The following DAPK1 variants were observed in gnomAD, a reference collection of about 807,000 sequenced individuals.
DAPK1 encodes death associated protein kinase 1, also known as death-associated protein kinase 1.
Under a neutral mutation model 144.9 loss-of-function variants are expected in DAPK1, and 56 were observed. That is an observed-to-expected ratio of 0.39 (90% CI 0.31 to 0.48). The LOEUF is 0.48. Ranked by LOEUF, DAPK1 falls within the 20% of genes least tolerant of loss-of-function variation. DAPK1 has a pLI of 0.95. For missense variants in DAPK1, 1,454 were observed against 1,875.4 expected, an observed-to-expected ratio of 0.78 and a Z score of 4.15; for synonymous variants, 690 against 749.0, an observed-to-expected ratio of 0.92 and a Z score of 1.29.
chr9:87,531,369 G>T (rs564781836), intron 2 of DAPK1, among the ~76,000 whole-genome samples: 104 of 152,270 alleles, frequency 6.8e-4, no homozygotes, highest in African/African-American at 2.4e-3. Context: ...TTTCCCTTGG[G>T]GCTTTCCTGT....
intron 2 of DAPK1, among the ~76,000 whole-genome samples, chr9:87,547,293 T>G (rs951873121): frequency 2.0e-5 from 3 of 152,230 alleles, no homozygotes; most frequent in African/African-American, 7.2e-5. Context: ...ACTCCACTGT[T>G]GTCTTCACAA....
Position 87,686,652 on chromosome 9 carries a change from G to A in DAPK1, c.2326G>A (p.Val776Met), listed in dbSNP as rs905513995. The A allele has an allele frequency of 6.2e-7, 1 of 1,612,236 alleles. No individual in the cohort carries two copies. The highest frequency in any genetic ancestry group is 8.5e-7 in the Non-Finnish European group (1 of 1,178,460). The change falls in exon 21 of 26, where the codon GTG becomes ATG. Residue 776 changes from valine (V) to methionine (M), a missense_variant. Physicochemically the swap from Val to Met is conservative, Grantham distance 21. Around this residue, in one of 2 missense-constraint regions of DAPK1, gnomAD observed 1,025 missense variants for 1,237.9 expected, o/e 0.83. Coordinates refer to ENST00000408954, the MANE Select transcript of DAPK1 (RefSeq NM_004938.4). The surrounding 1 kb of genome is among the most constrained non-coding windows in gnomAD (Gnocchi z 4.2). ...GGGTCTTACCAAAGGGATGCTGGAGGTGTTTGTGGCCCCGACCCACCACCC... is the reference window on the plus strand; with the variant it reads ...GGGTCTTACCAAAGGGATGCTGGAGATGTTTGTGGCCCCGACCCACCACCC... The part of the protein sequence containing the change: ...EPGLTKGMLE[V>M]FVAPTHHPHC...
intron 24 of DAPK1, among the ~76,000 whole-genome samples, chr9:87,701,537 T>C (rs1217605797): frequency 6.6e-6 from 1 of 152,218 alleles, no homozygotes; most frequent in African/African-American, 2.4e-5. Flanking sequence ...CTCAATGCTT[T>C]GGACAGATAA....
chr9:87,673,018 C>G (rs1025515107), intron 19 of DAPK1, among the ~76,000 whole-genome samples: 2 of 152,300 alleles, frequency 1.3e-5, no homozygotes, highest in Middle Eastern at 3.4e-3. Flanking sequence ...ATTTTCCTTT[C>G]CATGTCATTT....
At chr9:87,649,890 T>C (rs1371204349) in intron 15 of DAPK1, 31 bp from the exon 16 acceptor site, 3 of 1,608,940 alleles carry the variant, frequency 1.9e-6, no homozygotes, top group Admixed American at 3.3e-5. Context: ...TATTGTGTTC[T>C]CCTCCTCTCT....
intron 24 of DAPK1, chr9:87,701,982 C>T: frequency 4.8e-6 from 2 of 413,698 alleles, no homozygotes; most frequent in South Asian, 3.6e-5. Flanking sequence ...TCTCTGAGGG[C>T]CCCTGTGCTT....
intron 2 of DAPK1, among the ~76,000 whole-genome samples, chr9:87,564,776 C>T (rs749551719): frequency 6.6e-6 from 1 of 152,218 alleles, no homozygotes; most frequent in Non-Finnish European, 1.5e-5. Flanking sequence ...ATGATCTAAT[C>T]ACCTCTTAAC....
chr9:87,588,429 T>TA (rs1421504991), intron 2 of DAPK1, among the ~76,000 whole-genome samples: 1 of 152,234 alleles, frequency 6.6e-6, no homozygotes, highest in East Asian at 1.9e-4. Flanking sequence ...CATACCTTTT[T>TA]ATCTCTTTTG....
At chr9:87,683,807 C>A (rs1000633918) in intron 20 of DAPK1, among the ~76,000 whole-genome samples, 2 of 152,200 alleles carry the variant, frequency 1.3e-5, no homozygotes, top group Admixed American at 6.5e-5. Flanking sequence ...GGGGCAGAAG[C>A]CCCTCTGCAT....
At chr9:87,587,193 C>G (rs901389072) in intron 2 of DAPK1, among the ~76,000 whole-genome samples, 29 of 152,230 alleles carry the variant, frequency 1.9e-4, no homozygotes, top group African/African-American at 6.8e-4. Flanking sequence ...AGGAAACTCT[C>G]CGCCATGTTC....
Position 87,708,592 on chromosome 9 carries a change from GT to G in DAPK1, c.*1235del, listed in dbSNP as rs200951613. 41 of 152,144 alleles carry G rather than the reference GT, an allele frequency of 2.7e-4. No homozygotes were observed. The highest frequency in any genetic ancestry group is 3.7e-4 in the Non-Finnish European group (25 of 67,926). The allele number at this position is 152,144 out of a possible 1,614,324, so 9.4% of individuals were successfully genotyped here. ...ATAAAATGTCGTTAAAAAGTTGTTT[GT>G]TTTTTTCTTTTTTTATAAATAAACT... On this transcript the variant is annotated 3_prime_UTR_variant, in exon 26 of 26. Coordinates refer to ENST00000408954, the MANE Select transcript of DAPK1 (RefSeq NM_004938.4).
At chr9:87,582,308 G>C (rs1458481516) in intron 2 of DAPK1, among the ~76,000 whole-genome samples, 1 of 152,170 alleles carries the variant, frequency 6.6e-6, no homozygotes, top group Non-Finnish European at 1.5e-5. Context: ...TCATGAAAAA[G>C]CCAGCAGAGA....
chr9:87,540,110 C>T (rs1825992234), intron 2 of DAPK1, among the ~76,000 whole-genome samples: 1 of 151,634 alleles, frequency 6.6e-6, no homozygotes, highest in African/African-American at 2.4e-5. Context: ...AGAGAGAGAC[C>T]ACATTCACAT....
At chr9:87,648,201 T>G (rs1053728881) in intron 14 of DAPK1, among the ~76,000 whole-genome samples, 2 of 152,254 alleles carry the variant, frequency 1.3e-5, no homozygotes, top group Admixed American at 1.3e-4. Flanking sequence ...TTCTTAAAAT[T>G]TGTTTATTCT....
At chr9:87,619,603 G>A (rs1485767307) in intron 3 of DAPK1, among the ~76,000 whole-genome samples, 2 of 152,206 alleles carry the variant, frequency 1.3e-5, no homozygotes, top group South Asian at 2.1e-4. Context: ...TGAGAACGGG[G>A]CAGTTTGTCA....
intron 11 of DAPK1, 140 bp downstream of exon 11, chr9:87,643,608 T>TG: frequency 1.6e-6 from 1 of 607,304 alleles, no homozygotes; most frequent in South Asian, 2.2e-5. Flanking sequence ...CGGAGGGGTT[T>TG]GGGGGTGCTG....
At chr9:87,616,418 G>A (rs977266144) in intron 3 of DAPK1, among the ~76,000 whole-genome samples, 4 of 152,204 alleles carry the variant, frequency 2.6e-5, no homozygotes, top group South Asian at 4.1e-4. Context: ...AAAGAGTCAC[G>A]TGTGGCTCAA....
At chr9:87,504,151 G>A (rs1824504584) in intron 2 of DAPK1, among the ~76,000 whole-genome samples, 1 of 152,164 alleles carries the variant, frequency 6.6e-6, no homozygotes, top group Non-Finnish European at 1.5e-5. Flanking sequence ...TTATAGGACT[G>A]TGCTGAATGT....
At chr9:87,614,798 C>G (rs1001094819) in intron 3 of DAPK1, among the ~76,000 whole-genome samples, 7 of 152,196 alleles carry the variant, frequency 4.6e-5, no homozygotes, top group Non-Finnish European at 7.3e-5. Context: ...AGCTGCCTCT[C>G]TCCACCCAGA....
Sources: allele counts gnomAD v4.1 joint callset (sites outside exome capture counted in the v4.1 genomes callset), GRCh38; gene constraint gnomAD v4.1.1; regional missense constraint gnomAD v4.1.1; non-coding constraint Gnocchi (gnomAD v3.1); transcripts MANE v1.5; gene names NCBI Gene and HGNC (gene_info 2026-07-23, HGNC 2026-07-21).